KAZN: variants seen among roughly 807,000 people sequenced by gnomAD.
KAZN encodes the protein kazrin, periplakin interacting protein.
Under a neutral mutation model 87.4 loss-of-function variants are expected in KAZN, and 40 were observed. That is an observed-to-expected ratio of 0.46 (90% CI 0.36 to 0.60). The LOEUF (loss-of-function observed/expected upper bound fraction) is 0.60, where lower values mean the gene tolerates loss of function less well. Among genes scored for constraint, KAZN ranks in the 20% least tolerant of loss-of-function variants. KAZN has a pLI of 0.00. For missense variants in KAZN, 898 were observed against 1,073.9 expected, an observed-to-expected ratio of 0.84 and a Z score of 2.29; for synonymous variants, 466 against 458.3, an observed-to-expected ratio of 1.02 and a Z score of -0.22.
chr1:14,389,759 CA>C (rs1662259561), intron 2 of KAZN, among the ~76,000 whole-genome samples: 1 of 151,820 alleles, frequency 6.6e-6, no homozygotes, highest in Admixed American at 6.6e-5. Context: ...ATAATGGGTA[CA>C]AAAAGAATAG....
At chr1:14,681,537 G>A (rs1056237039) in intron 1 of KAZN, among the ~76,000 whole-genome samples, 1 of 136,766 alleles carries the variant, frequency 7.3e-6, no homozygotes. Context: ...ATTTGCAGTT[G>A]CTACATTTTT....
At chr1:14,290,513 A>G (rs1653598269) in intron 2 of KAZN, among the ~76,000 whole-genome samples, 6 of 151,944 alleles carry the variant, frequency 3.9e-5, no homozygotes, top group Admixed American at 2.6e-4. Context: ...TTGTGCCATG[A>G]TTTTCAGCTC....
At chr1:14,831,339 TCTG>T (rs565802471) in intron 1 of KAZN, among the ~76,000 whole-genome samples, 82 of 152,176 alleles carry the variant, frequency 5.4e-4, no homozygotes, top group African/African-American at 1.8e-3. Context: ...TCCCAGTTCC[TCTG>T]CTGCTGCTGC....
intron 2 of KAZN, among the ~76,000 whole-genome samples, chr1:14,346,005 ATAAAAG>A (rs1658079197): frequency 6.6e-6 from 1 of 152,214 alleles, no homozygotes; most frequent in Non-Finnish European, 1.5e-5. Context: ...TGTCATTTCG[ATAAAAG>A]TAAAAGGTGA....
chr1:14,951,423 A>G (rs575300749), intron 1 of KAZN, among the ~76,000 whole-genome samples: 1 of 151,846 alleles, frequency 6.6e-6, no homozygotes, highest in South Asian at 2.1e-4. Context: ...GACTTTGCCC[A>G]TGAGAGTCAT....
At chr1:14,827,421 C>T (rs1646924886) in intron 1 of KAZN, among the ~76,000 whole-genome samples, 1 of 152,196 alleles carries the variant, frequency 6.6e-6, no homozygotes, top group Non-Finnish European at 1.5e-5. Flanking sequence ...CCACCCTTTG[C>T]CCTGAGTCCC....
chr1:14,540,004 T>C (rs1254803151), intron 2 of KAZN, among the ~76,000 whole-genome samples: 1 of 152,158 alleles, frequency 6.6e-6, no homozygotes, highest in African/African-American at 2.4e-5. Context: ...CATCCCCAGC[T>C]TTCTAAGTAG....
intron 8 of KAZN, among the ~76,000 whole-genome samples, chr1:15,080,868 G>A (rs912904752): frequency 2.0e-5 from 3 of 152,054 alleles, no homozygotes; most frequent in Non-Finnish European, 4.4e-5. Flanking sequence ...GCTGGGAGCA[G>A]CTACACTCGG....
At chr1:14,885,865 A>G (rs750598383) in intron 1 of KAZN, among the ~76,000 whole-genome samples, 66 of 152,250 alleles carry the variant, frequency 4.3e-4, no homozygotes, top group Admixed American at 7.2e-4. Context: ...AAATAAATCT[A>G]TCGATACAGA....
Position 13,929,045 on chromosome 1 carries a change from GGCTTT to G in KAZN, c.91+35290_91+35294del, listed in dbSNP as rs1445824278. On this transcript the variant is annotated intron_variant, in intron 1 of 16. Coordinates refer to the KAZN transcript ENST00000636203. The stretch of plus-strand genomic sequence containing the variant: ...GGGCCAAGGTCTAGTTCAGCTTCAA[GGCTTT>G]TTTTTTTTTTTTTTTTTTTTAAGAG... Among the ~76,000 whole-genome samples, 18 of 94,098 alleles carry G rather than the reference GGCTTT, an allele frequency of 1.9e-4. No homozygotes were observed. The East Asian group carries it at 5.2e-3, about 27-fold the overall frequency. The allele number at this position is 94,098 out of a possible 152,430, so 61.7% of individuals were successfully genotyped here. A position where few individuals can be genotyped will look rare whatever the true frequency, so the allele number is the denominator to read the frequency against.
At chr1:14,914,108 G>A (rs1657538141) in intron 1 of KAZN, among the ~76,000 whole-genome samples, 1 of 152,242 alleles carries the variant, frequency 6.6e-6, no homozygotes, top group Non-Finnish European at 1.5e-5. Flanking sequence ...CACCTGGAGG[G>A]CTGTGGAAAC....
At chr1:14,350,648 C>T (rs1241579391) in intron 2 of KAZN, among the ~76,000 whole-genome samples, 5 of 152,170 alleles carry the variant, frequency 3.3e-5, no homozygotes, top group East Asian at 1.9e-4. Flanking sequence ...AAAGAATGAT[C>T]CATCGAAGTG....
chr1:14,213,447 G>A (rs1646896640), intron 2 of KAZN, among the ~76,000 whole-genome samples: 1 of 152,196 alleles, frequency 6.6e-6, no homozygotes, highest in African/African-American at 2.4e-5. Flanking sequence ...AGATGAAGTA[G>A]GGATTCATGG....
At chr1:14,651,482 C>T (rs1638370980) in intron 1 of KAZN, among the ~76,000 whole-genome samples, 1 of 152,154 alleles carries the variant, frequency 6.6e-6, no homozygotes, top group Non-Finnish European at 1.5e-5. Flanking sequence ...CTCCTCTTAA[C>T]TTTTCCTACC....
intron 1 of KAZN, among the ~76,000 whole-genome samples, chr1:13,904,327 C>G (rs756877230): frequency 1.3e-4 from 20 of 152,150 alleles, no homozygotes; most frequent in Admixed American, 2.6e-4. Context: ...TAATAGGCAA[C>G]ACCCTGTGGC....
At chr1:14,451,107 G>T (rs1396363160) in intron 2 of KAZN, among the ~76,000 whole-genome samples, 1 of 152,016 alleles carries the variant, frequency 6.6e-6, no homozygotes, top group Non-Finnish European at 1.5e-5. Context: ...GCAGATGCTG[G>T]CACCATGCTT....
chr1:14,341,658 A>C (rs1657735381), intron 2 of KAZN, among the ~76,000 whole-genome samples: 1 of 151,984 alleles, frequency 6.6e-6, no homozygotes, highest in South Asian at 2.1e-4. Context: ...GCTTTTATTC[A>C]GATGCCACCT....
At chr1:14,556,833 A>T (rs1324515722) in intron 2 of KAZN, among the ~76,000 whole-genome samples, 2 of 152,170 alleles carry the variant, frequency 1.3e-5, no homozygotes, top group African/African-American at 4.8e-5. Context: ...CCCCGATTTT[A>T]CTAACAGACA....
chr1:14,165,324 G>A (rs1645802491), intron 1 of KAZN, among the ~76,000 whole-genome samples: 1 of 151,824 alleles, frequency 6.6e-6, no homozygotes, highest in Non-Finnish European at 1.5e-5. Context: ...TTCCCTCTGT[G>A]TCTACTCCAC....
Sources: gnomAD v4.1 joint callset for allele counts (sites outside exome capture counted in the v4.1 genomes callset) on GRCh38, gnomAD v4.1.1 for gene constraint, MANE v1.5 for transcripts, NCBI Gene and HGNC (gene_info 2026-07-23, HGNC 2026-07-21) for gene names.